The following TUBGCP4 variants were observed in gnomAD, a reference collection of about 807,000 sequenced individuals.
The protein encoded by TUBGCP4 is tubulin gamma complex component 4, also known as gamma-tubulin complex component 4.
A neutral mutation model predicts 91.6 loss-of-function variants in TUBGCP4; 54 were observed. The observed-to-expected ratio is 0.59, with a 90% CI of 0.47 to 0.74. TUBGCP4 has a LOEUF of 0.74. Ranked by LOEUF, TUBGCP4 falls within the 30% of genes least tolerant of loss-of-function variation. The pLI is 0.00. For missense variants in TUBGCP4, 593 were observed against 800.9 expected (o/e 0.74, Z 3.13); for synonymous variants, 297 against 302.8 (o/e 0.98, Z 0.20).
chr15:43,408,722 A>C lies in TUBGCP4; in HGVS notation c.*3508A>C. On this transcript the variant is annotated 3_prime_UTR_variant, in exon 18 of 18. Coordinates refer to ENST00000564079, the MANE Select transcript of TUBGCP4 (RefSeq NM_014444.5). ...CACATTTGCAAAAGGTTCCTAGCCA[A>C]TGTAACCTAGGGAAATAAACTAGAT... 1.6e-6 allele frequency: 1 copy of C among 634,358 alleles called. No homozygotes were observed. Among genetic ancestry groups the C allele is most frequent in the Admixed American group, 2.9e-5 (1 of 34,150 alleles). The allele number at this position is 634,358 out of a possible 1,614,324, so 39.3% of individuals were successfully genotyped here.
chr15:43,395,227 C>T lies in TUBGCP4; in HGVS notation c.1065+70C>T, dbSNP rs1171832903. 3 of 1,559,396 alleles carry T rather than the reference C, an allele frequency of 1.9e-6. No individual in the cohort carries two copies. The African/African-American group carries it at 4.1e-5, about 21-fold the overall frequency. ...AGTGACTTGCATTCTCTGATGTTTCCTGAGAGCACTGGTTGCCTATACCCA... is the reference window on the plus strand; with the variant it reads ...AGTGACTTGCATTCTCTGATGTTTCTTGAGAGCACTGGTTGCCTATACCCA... On this transcript the variant is annotated intron_variant, in intron 10 of 17. Coordinates refer to ENST00000564079, the MANE Select transcript of TUBGCP4 (RefSeq NM_014444.5).
chr15:43,371,990 C>T (rs1176995719), intron 1 of TUBGCP4, among the ~76,000 whole-genome samples: 4 of 152,166 alleles, frequency 2.6e-5, no homozygotes, highest in African/African-American at 9.7e-5. Flanking sequence ...ATCCTCACAA[C>T]CACCTTATCC....
chr15:43,407,448 T>C lies in TUBGCP4; in HGVS notation c.*2234T>C. The stretch of plus-strand genomic sequence containing the variant: ...TTGAATCCAATTCTCTCCCCAACAA[T>C]GAGGCACTGGATCACCCACTCTTGT... On this transcript the variant is annotated 3_prime_UTR_variant, in exon 18 of 18. Transcript: ENST00000564079. 6.2e-7 allele frequency: 1 copy of C among 1,614,178 alleles called. No homozygotes were observed. The highest frequency in any genetic ancestry group is 1.1e-5 in the South Asian group (1 of 91,074).
Position 43,408,308 on chromosome 15 carries a change from T to TC in TUBGCP4, c.*3095dup. 2.1e-6 allele frequency: 1 copy of TC among 477,798 alleles called. No individual in the cohort carries two copies. Among genetic ancestry groups the TC allele is most frequent in the Non-Finnish European group, 3.8e-6 (1 of 265,770 alleles). 29.6% of individuals were successfully genotyped at this position (477,798 alleles called of 1,614,324 possible). A position where few individuals can be genotyped will look rare whatever the true frequency, so the allele number is the denominator to read the frequency against. On this transcript the variant is annotated 3_prime_UTR_variant, in exon 18 of 18. Coordinates refer to ENST00000564079, the MANE Select transcript of TUBGCP4 (RefSeq NM_014444.5). ...GCCTGGGCAATGTGGTGAGACCCCATCTCTACAAAAGACAACAAAAAAATT... is the reference window on the plus strand; with the variant it reads ...GCCTGGGCAATGTGGTGAGACCCCATCCTCTACAAAAGACAACAAAAAAATT...
rs760086220 is a variant in TUBGCP4, at chr15:43,386,346, T to C, written c.1014+16T>C. 1 of 32,738 alleles carries C rather than the reference T, an allele frequency of 3.1e-5. No individual in the cohort carries two copies. The highest frequency in any genetic ancestry group is 4.4e-5 in the Non-Finnish European group (1 of 22,604). 2.0% of individuals were successfully genotyped at this position (32,738 alleles called of 1,614,324 possible). ...TGTGGCTGAGGTTTGTGTTTCATCG[T>C]ATATATATATATATATATATATATA... On this transcript the variant is annotated intron_variant, in intron 9 of 17. Transcript: ENST00000564079.
intron 7 of TUBGCP4, among the ~76,000 whole-genome samples, chr15:43,384,116 T>C (rs532968110): frequency 2.8e-4 from 43 of 152,330 alleles, no homozygotes; most frequent in African/African-American, 1.0e-3. Flanking sequence ...CTGGCCAGTT[T>C]GGTGTTTTGA....
chr15:43,375,840 G>T (rs369640579), intron 1 of TUBGCP4, among the ~76,000 whole-genome samples: 1 of 152,130 alleles, frequency 6.6e-6, no homozygotes, highest in Non-Finnish European at 1.5e-5. Context: ...TGGGGTGGTT[G>T]ACTTATTTTT....
At chr15:43,391,334 G>A (rs1232814964) in intron 9 of TUBGCP4, 1 of 152,274 alleles carries the variant, frequency 6.6e-6, no homozygotes, top group Admixed American at 6.5e-5. Context: ...TGAGTAGCTA[G>A]TATTACAGGT....
At chr15:43,392,259 A>G (rs989005292) in intron 9 of TUBGCP4, among the ~76,000 whole-genome samples, 1 of 151,774 alleles carries the variant, frequency 6.6e-6, no homozygotes, top group Non-Finnish European at 1.5e-5. Context: ...TTTCTGAGAA[A>G]TATATATAAA....
chr15:43,398,090 A>T lies in TUBGCP4; in HGVS notation c.1329A>T (p.Glu443Asp). Residue 443 changes from glutamate to aspartate, a missense_variant, in exon 13 of 18, where the codon GAA (glutamate) becomes GAT (aspartate). By Grantham distance (45) the Glu-to-Asp change is conservative. Coordinates refer to ENST00000564079, the MANE Select transcript of TUBGCP4 (RefSeq NM_014444.5). ...EGPSRETSPREAPASGWAALG... is the reference protein window; with the variant it reads ...EGPSRETSPRDAPASGWAALG... Reference sequence around the variant, plus strand: ...CTTCTCGGGAAACTTCTCCCCGGGAAGCCCCTGCATCTGGCTGGGCAGCCC... The same window carrying T: ...CTTCTCGGGAAACTTCTCCCCGGGATGCCCCTGCATCTGGCTGGGCAGCCC... 6.2e-7 allele frequency: 1 copy of T among 1,614,106 alleles called. No homozygotes were observed. Among genetic ancestry groups the T allele is most frequent in the Non-Finnish European group, 8.5e-7 (1 of 1,179,994 alleles).
intron 6 of TUBGCP4, 53 bp downstream of exon 6, chr15:43,380,216 T>A: frequency 6.9e-7 from 1 of 1,453,332 alleles, no homozygotes; most frequent in South Asian, 1.1e-5. Context: ...GTCAAATTAT[T>A]TGACTTCTCA....
At chr15:43,388,201 A>C (rs184535015) in intron 9 of TUBGCP4, among the ~76,000 whole-genome samples, 1 of 152,142 alleles carries the variant, frequency 6.6e-6, no homozygotes, top group Non-Finnish European at 1.5e-5. Flanking sequence ...AAACCTCTAC[A>C]GGGGTTTTTG....
chr15:43,384,031 C>T (rs906186343), intron 7 of TUBGCP4, among the ~76,000 whole-genome samples: 1 of 152,186 alleles, frequency 6.6e-6, no homozygotes, highest in African/African-American at 2.4e-5. Context: ...CCAGGCTGGT[C>T]TCGAACGCCT....
intron 1 of TUBGCP4, 88 bp from the exon 2 acceptor site, chr15:43,376,010 C>G: frequency 1.9e-6 from 3 of 1,560,206 alleles, no homozygotes; most frequent in Non-Finnish European, 2.6e-6. Flanking sequence ...AGAAAGAAAA[C>G]GATAAATGTG....
chr15:43,394,886 G>T, intron 9 of TUBGCP4: 1 of 551,188 alleles, frequency 1.8e-6, no homozygotes, highest in South Asian at 2.2e-5. Context: ...CTGCAGAACT[G>T]TGAGCAACTC....
At chr15:43,396,457 G>A (rs2044580806) in intron 11 of TUBGCP4, among the ~76,000 whole-genome samples, 3 of 152,140 alleles carry the variant, frequency 2.0e-5, no homozygotes, top group African/African-American at 7.2e-5. Flanking sequence ...AAAAGAAACT[G>A]TGAGAAAGAA....
intron 9 of TUBGCP4, among the ~76,000 whole-genome samples, chr15:43,392,901 G>T (rs1340667790): frequency 2.0e-5 from 3 of 152,044 alleles, no homozygotes; most frequent in Non-Finnish European, 4.4e-5. Flanking sequence ...TCCTTTATCT[G>T]CAACCTTTCT....
chr15:43,402,584 T>G (rs2142888228), intron 15 of TUBGCP4: 1 of 152,376 alleles, frequency 6.6e-6, no homozygotes, highest in Admixed American at 6.5e-5. Flanking sequence ...TCTATGTATG[T>G]GTTTCTGTAA....
intron 13 of TUBGCP4, among the ~76,000 whole-genome samples, chr15:43,398,720 G>A (rs2044621778): frequency 6.6e-6 from 1 of 152,060 alleles, no homozygotes; most frequent in Admixed American, 6.5e-5. Context: ...ATTTTTTGTT[G>A]ATTTACTTGG....
Sources: gnomAD v4.1 joint callset for allele counts (sites outside exome capture counted in the v4.1 genomes callset) on GRCh38, gnomAD v4.1.1 for gene constraint, MANE v1.5 for transcripts, NCBI Gene and HGNC (gene_info 2026-07-23, HGNC 2026-07-21) for gene names.